SFI1: variants seen among roughly 807,000 people sequenced by gnomAD.
SFI1 encodes the protein protein SFI1 homolog.
A neutral mutation model predicts 207.5 loss-of-function variants in SFI1; 195 were observed. The observed-to-expected ratio is 0.94, with a 90% CI of 0.84 to 1.06. The LOEUF (loss-of-function observed/expected upper bound fraction) is 1.06, where lower values mean the gene tolerates loss of function less well. Ranked by LOEUF, SFI1 falls within the 50% of genes least tolerant of loss-of-function variation. SFI1 has a pLI of 0.00. For missense variants in SFI1, 1,634 were observed against 1,588.0 expected (o/e 1.03, Z -0.49); for synonymous variants, 630 against 598.9 (o/e 1.05, Z -0.76).
rs745600893 is a variant in SFI1, at chr22:31,589,592, T to G, written c.1544+15T>G. On this transcript the variant is annotated intron_variant, in intron 15 of 32. Transcript: ENST00000400288. The stretch of plus-strand genomic sequence containing the variant: ...CGTTTCCACAGGTATGTTGCGCAGC[T>G]CCTGTCTGCACTGGGGCAGGTGTTT... The G allele has an allele frequency of 1.9e-6, 3 of 1,607,708 alleles. No individual in the cohort carries two copies. The highest frequency in any genetic ancestry group is 1.7e-6 in the Non-Finnish European group (2 of 1,177,912).
intron 22 of SFI1, 95 bp from the exon 23 acceptor site, chr22:31,611,048 C>T (rs1204973694): frequency 9.8e-6 from 15 of 1,531,400 alleles, no homozygotes; most frequent in Non-Finnish European, 1.3e-5. Context: ...AACTCTATCC[C>T]TGCACAGCCA....
chr22:31,547,366 A>T (rs992577046), intron 5 of SFI1, among the ~76,000 whole-genome samples: 2 of 152,206 alleles, frequency 1.3e-5, no homozygotes, highest in African/African-American at 4.8e-5. Flanking sequence ...GCTGGAGTGC[A>T]GTGGCACGAT....
intron 15 of SFI1, among the ~76,000 whole-genome samples, chr22:31,595,035 C>A (rs991965193): frequency 6.6e-6 from 1 of 151,940 alleles, no homozygotes; most frequent in Non-Finnish European, 1.5e-5. Context: ...CTTGTCCTTT[C>A]GCCCAGGCTG....
At chr22:31,566,457 T>C (rs146285630) in intron 8 of SFI1, among the ~76,000 whole-genome samples, 1 of 152,360 alleles carries the variant, frequency 6.6e-6, no homozygotes, top group Non-Finnish European at 1.5e-5. Flanking sequence ...TGTATTTGTC[T>C]ATCCAGACCA....
chr22:31,598,906 G>A (rs1344688982), intron 15 of SFI1, among the ~76,000 whole-genome samples: 1 of 144,898 alleles, frequency 6.9e-6, no homozygotes, highest in African/African-American at 2.6e-5. Flanking sequence ...CAACTCTCCT[G>A]CCTCAGCCTC....
chr22:31,613,311 C>G, intron 25 of SFI1, 43 bp from the exon 26 acceptor site: 1 of 1,603,778 alleles, frequency 6.2e-7, no homozygotes, highest in Non-Finnish European at 8.5e-7. Flanking sequence ...TGGGGGAGCT[C>G]TAAGCAGGGA....
At chr22:31,582,020 T>G (rs1325067812) in intron 12 of SFI1, among the ~76,000 whole-genome samples, 1 of 151,398 alleles carries the variant, frequency 6.6e-6, no homozygotes, top group East Asian at 1.9e-4. Context: ...CATTCAAATT[T>G]CCATAGTTGT....
At chr22:31,551,107 TC>T (rs1170187913) in intron 6 of SFI1, among the ~76,000 whole-genome samples, 5 of 152,214 alleles carry the variant, frequency 3.3e-5, no homozygotes, top group African/African-American at 1.2e-4. Context: ...GTAATCCTCA[TC>T]TTTTTCCCAG....
chr22:31,562,396 G>A (rs1453663558), intron 8 of SFI1, among the ~76,000 whole-genome samples: 2 of 147,498 alleles, frequency 1.4e-5, no homozygotes, highest in African/African-American at 5.1e-5. Context: ...ACCAATAGCA[G>A]TAGCAACTGC....
chr22:31,526,632 T>G (rs1351771129), intron 2 of SFI1, among the ~76,000 whole-genome samples: 1 of 152,112 alleles, frequency 6.6e-6, no homozygotes, highest in Non-Finnish European at 1.5e-5. Flanking sequence ...TTCAGTTCAC[T>G]GCAGCCTCTG....
At chr22:31,548,291 C>T (rs950713944) in intron 5 of SFI1, among the ~76,000 whole-genome samples, 2 of 151,496 alleles carry the variant, frequency 1.3e-5, no homozygotes, top group African/African-American at 2.4e-5. Flanking sequence ...TGGGGAAGGC[C>T]GAGTGTGGTG....
At chr22:31,570,120 G>GTAAA in intron 8 of SFI1, among the ~76,000 whole-genome samples, 1 of 75,782 alleles carries the variant, frequency 1.3e-5, no homozygotes, top group African/African-American at 4.6e-5. Context: ...ATGAGACTCT[G>GTAAA]TCAATAAATA....
chr22:31,498,169 C>G (rs1273728684), intron 1 of SFI1, among the ~76,000 whole-genome samples: 1 of 152,108 alleles, frequency 6.6e-6, no homozygotes, highest in Non-Finnish European at 1.5e-5. Context: ...GTGGCGGGCA[C>G]CCATAATCCC....
At position 31,615,276 on chromosome 22, in the gene SFI1, C is replaced by A. The variant is rs1450147227; in HGVS notation, c.3297C>A (p.Ala1099=). The A allele has an allele frequency of 6.7e-7, 1 of 1,489,704 alleles. No individual in the cohort carries two copies. Among genetic ancestry groups the A allele is most frequent in the East Asian group, 2.3e-5 (1 of 43,200 alleles). 92.3% of individuals were successfully genotyped at this position (1,489,704 alleles called of 1,614,324 possible). The part of the protein sequence containing the change: ...SFMPCGAAAP[A]RVSAQRATPR... ...TGCCCTGCGGGGCGGCTGCACCAGC[C>A]AGGGTACGTCCTCCACCACCAGGCC... Residue 1099 remains alanine (A), a synonymous_variant, in exon 29 of 33, where the codon GCC becomes GCA. Coordinates refer to ENST00000400288, the MANE Select transcript of SFI1 (RefSeq NM_001007467.3).
chr22:31,503,651 G>A (rs1301569554), intron 1 of SFI1, among the ~76,000 whole-genome samples: 2 of 144,588 alleles, frequency 1.4e-5, no homozygotes, highest in East Asian at 2.0e-4. Context: ...ACAGTGGTGC[G>A]ATCTTGGCTC....
At position 31,531,057 on chromosome 22, in the gene SFI1, GA is replaced by G. The variant is rs2058472172; in HGVS notation, c.267del (p.Arg89SerfsTer14). 1.2e-6 allele frequency: 2 copies of G among 1,609,180 alleles called. No homozygotes were observed. ...GTATATGCTTTTTTTCCTTCTTTCA[GA>G]TGCGTGGCCAGAAAGTTCTTATATT... The part of the protein sequence containing the change: ...RQGRLRELRI[R>X]CVARKFLYLW... On this transcript the variant is annotated frameshift_variant and splice_region_variant, in exon 4 of 33. Transcript: ENST00000400288. LOFTEE classifies it high-confidence loss of function.
chr22:31,542,329 A>G (rs921825567), intron 4 of SFI1, among the ~76,000 whole-genome samples: 2 of 151,728 alleles, frequency 1.3e-5, no homozygotes, highest in African/African-American at 2.4e-5. Context: ...TATGGGTGCT[A>G]TAAATACATA....
In SFI1 at chr22:31,556,959, C is replaced by A. The variant is rs780021365; in HGVS notation, c.562C>A (p.Arg188=). Residue 188 remains arginine (R), a synonymous_variant, in exon 7 of 33, where the codon CGA becomes AGA. Transcript: ENST00000400288. The part of the protein sequence containing the change: ...AEVHDAKQKM[R]QAWKSWLIYV... ...GAATCTAGATGCAAAGCAAAAGATG[C>A]GACAGGCCTGGAAGTCCTGGTTGAT... 4 of 1,603,330 alleles carry A rather than the reference C, an allele frequency of 2.5e-6. No homozygotes were observed. Among genetic ancestry groups the A allele is most frequent in the Non-Finnish European group, 2.6e-6 (3 of 1,173,818 alleles).
At chr22:31,608,690 A>AG (rs2069510031) in intron 22 of SFI1, among the ~76,000 whole-genome samples, 1 of 151,962 alleles carries the variant, frequency 6.6e-6, no homozygotes, top group Non-Finnish European at 1.5e-5. Context: ...GTGGTTGGGG[A>AG]GGGGGTTGTT....
Sources: allele counts gnomAD v4.1 joint callset (sites outside exome capture counted in the v4.1 genomes callset), GRCh38; gene constraint gnomAD v4.1.1; transcripts MANE v1.5; gene names NCBI Gene and HGNC (gene_info 2026-07-23, HGNC 2026-07-21).